AGBL2: variants seen among roughly 807,000 people sequenced by gnomAD.
The protein encoded by AGBL2 is AGBL carboxypeptidase 2, also known as cytosolic carboxypeptidase 2.
A neutral mutation model predicts 103.0 loss-of-function variants in AGBL2; 87 were observed. That is an observed-to-expected ratio of 0.84 (90% CI 0.71 to 1.01). AGBL2 has a LOEUF of 1.01. Among genes scored for constraint, AGBL2 ranks in the 50% least tolerant of loss-of-function variants. AGBL2 has a pLI of 0.00. For synonymous variants in AGBL2, 335 were observed against 356.7 expected (o/e 0.94, Z 0.69); for missense variants, 904 against 1,023.5 (o/e 0.88, Z 1.59).
At chr11:47,708,995 G>A (rs2097529452) in intron 4 of AGBL2, among the ~76,000 whole-genome samples, 1 of 151,970 alleles carries the variant, frequency 6.6e-6, no homozygotes, top group Admixed American at 6.6e-5. Flanking sequence ...GGTGGCGGGC[G>A]CCTGTAATCC....
intron 11 of AGBL2, among the ~76,000 whole-genome samples, chr11:47,683,746 G>C (rs1390812136): frequency 6.6e-6 from 1 of 151,240 alleles, no homozygotes; most frequent in Non-Finnish European, 1.5e-5. Context: ...ACTCCAGCCT[G>C]GGAGACAGAG....
chr11:47,667,536 C>T, intron 16 of AGBL2, 35 bp downstream of exon 16: 1 of 1,609,790 alleles, frequency 6.2e-7, no homozygotes, highest in Non-Finnish European at 8.5e-7. Flanking sequence ...TGGTCTGAAA[C>T]TAGACAGTAG....
rs1439468626 is a variant in AGBL2 at position 47,681,983 on chromosome 11, C to G, written c.1901G>C (p.Gly634Ala). The G allele has an allele frequency of 6.2e-7, 1 of 1,614,020 alleles. No homozygotes were observed. Among genetic ancestry groups the G allele is most frequent in the East Asian group, 2.2e-5 (1 of 44,888 alleles). Residue 634 changes from glycine (G) to alanine (A), a missense_variant, in exon 12 of 19, where the codon GGC (glycine) becomes GCC (alanine). By Grantham distance (60) the Gly-to-Ala change is moderately conservative (BLOSUM62 0). Coordinates refer to ENST00000525123, the MANE Select transcript of AGBL2 (RefSeq NM_024783.4). ...AGAGAATGTACCCAGGGTGGACCCGCCAAAGGTAGACTCCATGGTGTAGCT... is the reference window on the plus strand; with the variant it reads ...AGAGAATGTACCCAGGGTGGACCCGGCAAAGGTAGACTCCATGGTGTAGCT... Reference protein sequence around the residue: ...LNSYTMESTFGGSTLGNKRDT... With the variant: ...LNSYTMESTFAGSTLGNKRDT...
At chr11:47,661,536 C>A (rs2097327949) in intron 18 of AGBL2, among the ~76,000 whole-genome samples, 1 of 152,124 alleles carries the variant, frequency 6.6e-6, no homozygotes, top group Admixed American at 6.6e-5. Flanking sequence ...CTAGAAGACA[C>A]TGATAGGTAA....
chr11:47,691,478 C>G (rs1054354985), intron 9 of AGBL2, among the ~76,000 whole-genome samples: 29 of 150,174 alleles, frequency 1.9e-4, no homozygotes, highest in African/African-American at 6.6e-4. Context: ...GAGGCCGAGA[C>G]GGGCAGATCG....
In AGBL2 at chr11:47,690,708, A is replaced by G; in HGVS notation, c.999T>C (p.Thr333=). ...VNLLKPKSLY[T]VGMKPLLYSQ... is the part of the protein sequence containing the mutation. ...AGTACAAGAGTGGCTTCATCCCTAC[A>G]GTATAAAGACTCTTGGGTTTTAGCA... The change falls in exon 10 of 19, where the codon ACT becomes ACC. Residue 333 remains threonine (T), a synonymous_variant. Transcript: ENST00000525123. 3 of 1,614,096 alleles carry G rather than the reference A, an allele frequency of 1.9e-6. No individual in the cohort carries two copies. The highest frequency in any genetic ancestry group is 1.7e-6 in the Non-Finnish European group (2 of 1,180,034).
At chr11:47,714,941 C>T in intron 1 of AGBL2, 191 bp from the exon 2 acceptor site, 1 of 444,890 alleles carries the variant, frequency 2.2e-6, no homozygotes, top group Non-Finnish European at 4.1e-6. Context: ...TCCCAAGGTG[C>T]TGGCCCCATG....
At chr11:47,686,979 ATG>A (rs1333673902) in intron 10 of AGBL2, among the ~76,000 whole-genome samples, 8 of 80,720 alleles carry the variant, frequency 9.9e-5, no homozygotes, top group East Asian at 4.0e-4. Context: ...AAAAAAAAAA[ATG>A]GTGGGGGGAG....
chr11:47,688,677 AG>A (rs1334707520), intron 10 of AGBL2, among the ~76,000 whole-genome samples: 1 of 152,176 alleles, frequency 6.6e-6, no homozygotes. Context: ...AGAAAGCTGA[AG>A]CTCAGACACA....
At chr11:47,701,469 CAAAAA>C (rs11327584) in intron 7 of AGBL2, among the ~76,000 whole-genome samples, 2 of 94,492 alleles carry the variant, frequency 2.1e-5, no homozygotes. Flanking sequence ...GACTCCGTCT[CAAAAA>C]AAAAAAAAAA....
chr11:47,698,082 G>A (rs1565073743), intron 8 of AGBL2, among the ~76,000 whole-genome samples: 4 of 149,854 alleles, frequency 2.7e-5, no homozygotes, highest in African/African-American at 9.9e-5. Context: ...GGCTGGTCTC[G>A]AACTGCCGAC....
intron 7 of AGBL2, among the ~76,000 whole-genome samples, chr11:47,701,905 G>A (rs568198421): frequency 1.5e-4 from 22 of 151,622 alleles, no homozygotes; most frequent in African/African-American, 5.3e-4. Flanking sequence ...CCTGGGAGGC[G>A]GAGGTTGCAG....
At chr11:47,693,428 T>C (rs1343821593) in intron 8 of AGBL2, among the ~76,000 whole-genome samples, 1 of 152,174 alleles carries the variant, frequency 6.6e-6, no homozygotes, top group Non-Finnish European at 1.5e-5. Flanking sequence ...TTCAACTTCA[T>C]TCTTTTGAGT....
Position 47,705,909 on chromosome 11 carries a change from T to C in AGBL2, c.241A>G (p.Ser81Gly), listed in dbSNP as rs1306139808. The C allele has an allele frequency of 1.9e-6, 3 of 1,614,048 alleles. No homozygotes were observed. The highest frequency in any genetic ancestry group is 3.3e-5 in the Admixed American group (2 of 60,002). The change falls in exon 5 of 19, where the codon AGT becomes GGT. Residue 81 changes from serine to glycine, a missense_variant. Physicochemically the swap from Ser to Gly is moderately conservative, Grantham distance 56 (BLOSUM62 0). Transcript: ENST00000525123. ...TGTCTGTGCACAGCTGAAGATAAACTGATAGGCCCTAGAAAGAGGAAGAGG... is the reference window on the plus strand; with the variant it reads ...TGTCTGTGCACAGCTGAAGATAAACCGATAGGCCCTAGAAAGAGGAAGAGG... ...LQKEKLLWPI[S>G]LSSAVHRQIE...
chr11:47,681,890 C>A, intron 12 of AGBL2, 79 bp downstream of exon 12: 1 of 1,536,760 alleles, frequency 6.5e-7, no homozygotes, highest in Non-Finnish European at 8.8e-7. Flanking sequence ...CCCCAGCATT[C>A]AAAGGCATTT....
intron 7 of AGBL2, among the ~76,000 whole-genome samples, chr11:47,701,435 A>G (rs2097498750): frequency 1.4e-5 from 2 of 147,728 alleles, no homozygotes; most frequent in Non-Finnish European, 3.0e-5. Flanking sequence ...GTGCCATTGC[A>G]CTCCAGACTG....
intron 1 of AGBL2, 162 bp from the exon 2 acceptor site, chr11:47,714,912 G>C: frequency 2.0e-6 from 1 of 508,940 alleles, no homozygotes; most frequent in South Asian, 2.1e-5. Context: ...GGAGGGCAGC[G>C]TATCTTCCCG....
At position 47,696,247 on chromosome 11, in the gene AGBL2, TTTTG is replaced by T. The variant is rs547034725; in HGVS notation, c.694+3195_694+3198del. On this transcript the variant is annotated intron_variant, in intron 8 of 18. Coordinates refer to ENST00000525123, the MANE Select transcript of AGBL2 (RefSeq NM_024783.4). ...GTGAAGTAGGTCATTTGAGCCTGGG[TTTTG>T]TTTGTTTGTTTGTTTGTTTTTTGTT... is the stretch of plus-strand genomic sequence containing the variant. Among the ~76,000 whole-genome samples, 172 of 147,826 alleles carry T rather than the reference TTTTG, an allele frequency of 1.2e-3. 1 individual carries two copies. The highest frequency in any genetic ancestry group is 1.0e-2 in the Admixed American group (146 of 14,650).
rs563004132 is a variant in AGBL2, at chr11:47,692,325, GC to G, written c.695-70del. 2.1e-3 allele frequency: 2,813 copies of G among 1,359,300 alleles called. 8 individuals carry two copies. The highest frequency in any genetic ancestry group is 9.5e-3 in the Middle Eastern group (51 of 5,392). The allele number at this position is 1,359,300 out of a possible 1,614,324, so 84.2% of individuals were successfully genotyped here. ...CACTCATTCAGCAAATACTTAAGTG[GC>G]CCCTCTAAGTGGTCAACACTATTCT... is the stretch of plus-strand genomic sequence containing the variant. On this transcript the variant is annotated intron_variant, in intron 8 of 18. Coordinates refer to ENST00000525123, the MANE Select transcript of AGBL2 (RefSeq NM_024783.4).
Sources: gnomAD v4.1 joint callset for allele counts (sites outside exome capture counted in the v4.1 genomes callset) on GRCh38, gnomAD v4.1.1 for gene constraint, MANE v1.5 for transcripts, NCBI Gene and HGNC (gene_info 2026-07-23, HGNC 2026-07-21) for gene names.